The following EPHA6 variants were observed in gnomAD, a reference collection of about 807,000 sequenced individuals.
The protein encoded by EPHA6 is ephrin type-A receptor 6.
EPHA6 carries 50 observed loss-of-function variants against 112.0 expected under a neutral mutation model. The ratio of observed to expected loss-of-function variants is 0.45; its 90% confidence interval spans 0.36 to 0.56. The LOEUF (loss-of-function observed/expected upper bound fraction) is 0.56, where lower values mean the gene tolerates loss of function less well. Among genes scored for constraint, EPHA6 ranks in the 20% least tolerant of loss-of-function variants. The pLI is 0.00. For synonymous variants in EPHA6, 529 were observed against 490.7 expected (o/e 1.08, Z -1.03); for missense variants, 1,280 against 1,417.4 (o/e 0.90, Z 1.56).
intron 5 of EPHA6, among the ~76,000 whole-genome samples, chr3:97,297,117 T>G (rs1196064201): frequency 1.3e-5 from 2 of 152,118 alleles, no homozygotes; most frequent in Non-Finnish European, 1.5e-5. Context: ...CTGTGAGGGT[T>G]GAGAGACTCT....
At chr3:97,148,807 C>G (rs1230109423) in intron 3 of EPHA6, among the ~76,000 whole-genome samples, 1 of 152,078 alleles carries the variant, frequency 6.6e-6, no homozygotes, top group East Asian at 1.9e-4. Context: ...AGCAATTGAT[C>G]TTTTTATCTA....
intron 5 of EPHA6, among the ~76,000 whole-genome samples, chr3:97,332,481 G>T (rs947701382): frequency 2.0e-5 from 3 of 152,136 alleles, no homozygotes; most frequent in African/African-American, 7.2e-5. Context: ...CCTGTTTGCA[G>T]ATGACATGAT....
At chr3:97,504,957 C>A (rs1430399116) in intron 10 of EPHA6, among the ~76,000 whole-genome samples, 1 of 151,424 alleles carries the variant, frequency 6.6e-6, no homozygotes, top group African/African-American at 2.4e-5. Flanking sequence ...ATTTATAAAC[C>A]TGCTTTTTAA....
At chr3:97,716,294 C>A (rs1193391729) in intron 14 of EPHA6, among the ~76,000 whole-genome samples, 1 of 125,256 alleles carries the variant, frequency 8.0e-6, no homozygotes, top group Non-Finnish European at 1.5e-5. Context: ...ATGGGCCGGG[C>A]GCGGTGGCTC....
At chr3:97,335,798 T>C (rs924188847) in intron 5 of EPHA6, among the ~76,000 whole-genome samples, 2 of 152,122 alleles carry the variant, frequency 1.3e-5, no homozygotes, top group Non-Finnish European at 2.9e-5. Context: ...TTATTATTCC[T>C]CACATCAGTC....
chr3:96,939,800 G>A lies in EPHA6; in HGVS notation c.451-47530G>A, dbSNP rs138849730. On this transcript the variant is annotated intron_variant, in intron 2 of 17. Transcript: ENST00000389672. Reference sequence around the variant, plus strand: ...TGCGTCCCAGAGATTCTGGTATGTTGTGTCTTTGTTCCCGTTGGTTTCAAA... The same window carrying A: ...TGCGTCCCAGAGATTCTGGTATGTTATGTCTTTGTTCCCGTTGGTTTCAAA... 7.1e-3 allele frequency among the ~76,000 whole-genome samples: 1,082 copies of A among 152,220 alleles called. 17 individuals carry two copies. The highest frequency in any genetic ancestry group is 0.024 in the African/African-American group (998 of 41,534).
chr3:97,439,130 C>T (rs539411079), intron 6 of EPHA6, among the ~76,000 whole-genome samples: 3 of 152,152 alleles, frequency 2.0e-5, no homozygotes, highest in Admixed American at 1.3e-4. Context: ...TTCAGGAATG[C>T]ATTAAATATT....
intron 1 of EPHA6, among the ~76,000 whole-genome samples, chr3:96,851,977 G>A (rs1458972747): frequency 6.6e-6 from 1 of 152,104 alleles, no homozygotes; most frequent in Non-Finnish European, 1.5e-5. Flanking sequence ...TGTAGGGAAA[G>A]TCTTAATGAA....
At chr3:96,865,635 T>A (rs1422657586) in intron 1 of EPHA6, among the ~76,000 whole-genome samples, 1 of 149,028 alleles carries the variant, frequency 6.7e-6, no homozygotes, top group Admixed American at 6.8e-5. Flanking sequence ...GTGAGTATGA[T>A]TGTGCCAGTG....
chr3:97,637,847 T>A, intron 13 of EPHA6, 26 bp from the exon 14 acceptor site: 3 of 1,578,054 alleles, frequency 1.9e-6, no homozygotes, highest in Non-Finnish European at 2.6e-6. Flanking sequence ...AATAAATCAA[T>A]TTACACAATT....
chr3:97,157,475 A>C (rs570369749), intron 3 of EPHA6, among the ~76,000 whole-genome samples: 42 of 152,096 alleles, frequency 2.8e-4, no homozygotes, highest in Non-Finnish European at 4.9e-4. Flanking sequence ...TCAACCCCTA[A>C]ATTTCCTAAG....
chr3:97,530,017 C>CT (rs1423589265), intron 10 of EPHA6, among the ~76,000 whole-genome samples: 1 of 151,886 alleles, frequency 6.6e-6, no homozygotes, highest in African/African-American at 2.4e-5. Flanking sequence ...TTATGGGCTC[C>CT]TGGTGGGTGA....
At position 97,481,512 on chromosome 3, in the gene EPHA6, C is replaced by G. The variant is rs1042095505; in HGVS notation, c.2074+2148C>G. The G allele has an allele frequency of 9.9e-6, 10 of 1,007,268 alleles. No individual in the cohort carries two copies. In the African/African-American group the frequency reaches 1.4e-4, roughly 15 times the overall value. 62.4% of individuals were successfully genotyped at this position (1,007,268 alleles called of 1,614,324 possible). A position where few individuals can be genotyped will look rare whatever the true frequency, so the allele number is the denominator to read the frequency against. ...ACCATAGTTCCGGTTCTTCCTCCGG[C>G]GCGGGGCTAAGTGCAGGCCCGGGGG... On this transcript the variant is annotated intron_variant, in intron 9 of 17. Coordinates refer to ENST00000389672, the MANE Select transcript of EPHA6 (RefSeq NM_001080448.3).
intron 11 of EPHA6, among the ~76,000 whole-genome samples, chr3:97,542,309 T>G (rs1414907797): frequency 2.0e-5 from 3 of 152,110 alleles, no homozygotes; most frequent in African/African-American, 4.8e-5. Flanking sequence ...GTGTTCTCAT[T>G]GTTCAATTCC....
rs777334092 is a variant in EPHA6 at position 96,919,660 on chromosome 3, T to C, written c.450+52771T>C. On this transcript the variant is annotated intron_variant, in intron 2 of 17. Coordinates refer to ENST00000389672, the MANE Select transcript of EPHA6 (RefSeq NM_001080448.3). ...GATACTATTTAAAGTTTCATAGATA[T>C]AGAAATCTATGCCTTTGGCCAAAGT... 8.5e-5 allele frequency among the ~76,000 whole-genome samples: 13 copies of C among 152,054 alleles called. No individual in the cohort carries two copies. In the East Asian group the frequency reaches 2.1e-3, roughly 25 times the overall value.
chr3:97,559,631 G>A (rs1362028199), intron 11 of EPHA6: 4 of 455,228 alleles, frequency 8.8e-6, no homozygotes. Flanking sequence ...GGGCAAAAGG[G>A]GAAGCAGGCT....
At chr3:97,590,234 C>T (rs868304648) in intron 11 of EPHA6, 2 of 152,152 alleles carry the variant, frequency 1.3e-5, no homozygotes, top group African/African-American at 4.8e-5. Flanking sequence ...AATGACAGTT[C>T]CTTAAGGAAG....
At chr3:97,617,777 A>G (rs546005390) in intron 13 of EPHA6, among the ~76,000 whole-genome samples, 1 of 152,320 alleles carries the variant, frequency 6.6e-6, no homozygotes, top group East Asian at 1.9e-4. Flanking sequence ...TCAGATTCAT[A>G]AAGCAAGTTA....
At chr3:96,898,889 A>G (rs1171810706) in intron 2 of EPHA6, among the ~76,000 whole-genome samples, 1 of 151,674 alleles carries the variant, frequency 6.6e-6, no homozygotes, top group Non-Finnish European at 1.5e-5. Context: ...TTAGCCGGGC[A>G]TGGTGGCGCG....
Sources: gnomAD v4.1 joint callset for allele counts (sites outside exome capture counted in the v4.1 genomes callset) on GRCh38, gnomAD v4.1.1 for gene constraint, MANE v1.5 for transcripts, NCBI Gene and HGNC (gene_info 2026-07-23, HGNC 2026-07-21) for gene names.